PDE4D: variants seen among roughly 807,000 people sequenced by gnomAD.
PDE4D encodes 3',5'-cyclic-AMP phosphodiesterase 4D.
Under a neutral mutation model 87.4 loss-of-function variants are expected in PDE4D, and 24 were observed. The ratio of observed to expected loss-of-function variants is 0.27; its 90% CI spans 0.20 to 0.39. The LOEUF (loss-of-function observed/expected upper bound fraction) is 0.39. Ranked by LOEUF, PDE4D falls within the 10% of genes least tolerant of loss-of-function variation. The pLI is 1.00. For synonymous variants in PDE4D, 384 were observed against 383.2 expected, an observed-to-expected ratio of 1.00 and a Z score of -0.02; for missense variants, 714 against 1,041.0, an observed-to-expected ratio of 0.69 and a Z score of 4.32.
chr5:59,180,425 A>G, intron 5 of PDE4D, 170 bp downstream of exon 5: 1 of 723,662 alleles, frequency 1.4e-6, no homozygotes, highest in Non-Finnish European at 2.5e-6. Flanking sequence ...GTTCCAAATA[A>G]CAGCTTAGAC....
rs1762543978 is a variant in PDE4D, at chr5:59,987,265, G to T, written c.272+1223C>A. The stretch of plus-strand genomic sequence containing the variant: ...ACAGCATTTTTCAAAAAATGTTCAG[G>T]TCAAGCTGTCATATAAAATTCCCAT... On this transcript the variant is annotated intron_variant, in intron 3 of 16. Coordinates refer to the PDE4D transcript ENST00000502484. 2.0e-5 allele frequency: 3 copies of T among 152,152 alleles called. No homozygotes were observed. The South Asian group carries it at 6.2e-4, about 32-fold the overall frequency. The allele number at this position is 152,152 out of a possible 1,614,324, so 9.4% of individuals were successfully genotyped here.
intron 3 of PDE4D, among the ~76,000 whole-genome samples, chr5:59,911,194 G>A (rs182746995): frequency 2.7e-3 from 413 of 152,282 alleles, no homozygotes; most frequent in Non-Finnish European, 5.2e-3. Flanking sequence ...TAGAAATTGC[G>A]ATTTAGGAAT....
chr5:60,460,431 TG>T, intron 1 of PDE4D: 1 of 1,359,982 alleles, frequency 7.4e-7, no homozygotes, highest in Non-Finnish European at 1.0e-6. Context: ...CAGACACTTG[TG>T]GATGCTTGAC....
chr5:59,553,177 C>G (rs1015464657), intron 1 of PDE4D, among the ~76,000 whole-genome samples: 3 of 152,078 alleles, frequency 2.0e-5, no homozygotes, highest in African/African-American at 7.2e-5. Context: ...GATTGTCTCT[C>G]TCCCTTTCCG....
At chr5:59,591,474 T>C (rs912719883) in intron 1 of PDE4D, among the ~76,000 whole-genome samples, 3 of 152,216 alleles carry the variant, frequency 2.0e-5, no homozygotes, top group Admixed American at 6.5e-5. Flanking sequence ...AAAGTAACTT[T>C]AATGTCAAAT....
At chr5:59,954,197 T>C (rs1347069372) in intron 3 of PDE4D, among the ~76,000 whole-genome samples, 1 of 152,240 alleles carries the variant, frequency 6.6e-6, no homozygotes, top group Non-Finnish European at 1.5e-5. Flanking sequence ...ATGCTGGGAT[T>C]ACAGGCATGA....
At chr5:60,321,288 G>C (rs1246717037) in intron 1 of PDE4D, among the ~76,000 whole-genome samples, 1 of 152,154 alleles carries the variant, frequency 6.6e-6, no homozygotes, top group Non-Finnish European at 1.5e-5. Flanking sequence ...ACAAAGACAA[G>C]CAATGGGGAA....
intron 1 of PDE4D, among the ~76,000 whole-genome samples, chr5:59,314,954 C>T (rs1773410745): frequency 6.6e-6 from 1 of 152,150 alleles, no homozygotes; most frequent in South Asian, 2.1e-4. Context: ...CGCCTGTGCA[C>T]TGCGACGATG....
At chr5:59,293,251 G>T (rs1394022721) in intron 1 of PDE4D, among the ~76,000 whole-genome samples, 1 of 152,094 alleles carries the variant, frequency 6.6e-6, no homozygotes, top group Non-Finnish European at 1.5e-5. Flanking sequence ...AATGATTCTA[G>T]TTGTGTTAAA....
intron 1 of PDE4D, among the ~76,000 whole-genome samples, chr5:59,474,598 G>T (rs975988279): frequency 2.6e-5 from 4 of 152,108 alleles, no homozygotes; most frequent in Non-Finnish European, 4.4e-5. Context: ...AGAAGCCTGA[G>T]TTGAGATAAA....
rs139058919 is a variant in PDE4D, at chr5:59,264,500, G to T, written c.456-48532C>A. 2.7e-3 allele frequency among the ~76,000 whole-genome samples: 412 copies of T among 151,942 alleles called. 7 individuals are homozygous for T. The highest frequency in any genetic ancestry group is 8.8e-3 in the African/African-American group (367 of 41,480). On this transcript the variant is annotated intron_variant, in intron 1 of 14. Coordinates refer to ENST00000340635, the MANE Select transcript of PDE4D (RefSeq NM_001104631.2). ...CTGCTAACATCAAATTTGCTTTTTT[G>T]TGTGTGTTTTATATTACCCTAGAAG...
chr5:58,981,901 T>C (rs750060910), intron 11 of PDE4D, among the ~76,000 whole-genome samples: 159 of 152,284 alleles, frequency 1.0e-3, no homozygotes, highest in Non-Finnish European at 2.0e-3. Flanking sequence ...CTTACCTTCA[T>C]TGTGGAGTAG....
At chr5:60,332,612 C>A (rs1392602448) in intron 1 of PDE4D, among the ~76,000 whole-genome samples, 1 of 152,098 alleles carries the variant, frequency 6.6e-6, no homozygotes, top group East Asian at 1.9e-4. Context: ...TCAACAGTAT[C>A]CAAATTCTAA....
At chr5:59,398,387 C>G (rs933056957) in intron 1 of PDE4D, among the ~76,000 whole-genome samples, 1 of 142,522 alleles carries the variant, frequency 7.0e-6, no homozygotes, top group Admixed American at 7.0e-5. Context: ...CCACCATGAT[C>G]AAGTGGGCTT....
Position 59,433,692 on chromosome 5 carries a change from G to C in PDE4D, c.456-217724C>G, listed in dbSNP as rs761558631. On this transcript the variant is annotated intron_variant, in intron 1 of 14. Transcript: ENST00000340635. ...ATGTTTTGTTTGTTTTTGCATACTG[G>C]GATTTCTATGGAAGACAGGTATAGA... is the stretch of plus-strand genomic sequence containing the variant. Among the ~76,000 whole-genome samples the C allele has an allele frequency of 9.4e-4, 143 of 151,990 alleles. 1 individual carries two copies. Among genetic ancestry groups the C allele is most frequent in the Non-Finnish European group, 1.7e-3 (115 of 67,938 alleles).
upstream of PDE4D, among the ~76,000 whole-genome samples, chr5:60,491,907 G>A (rs910535946): frequency 2.0e-5 from 3 of 152,054 alleles, no homozygotes; most frequent in African/African-American, 7.2e-5. Flanking sequence ...TACCTCCTAG[G>A]CTGGTGTGAA....
chr5:59,325,390 A>G (rs1775466685), intron 1 of PDE4D, among the ~76,000 whole-genome samples: 1 of 152,178 alleles, frequency 6.6e-6, no homozygotes, highest in Admixed American at 6.6e-5. Flanking sequence ...AGAAACAGGA[A>G]TTTCAAGAAT....
At chr5:59,416,513 A>T (rs1398383952) in intron 1 of PDE4D, among the ~76,000 whole-genome samples, 1 of 152,216 alleles carries the variant, frequency 6.6e-6, no homozygotes, top group Non-Finnish European at 1.5e-5. Flanking sequence ...TAATAAACTA[A>T]AGGTGGACAA....
At chr5:59,388,428 C>G (rs949725175) in intron 1 of PDE4D, among the ~76,000 whole-genome samples, 1 of 151,958 alleles carries the variant, frequency 6.6e-6, no homozygotes, top group Admixed American at 6.6e-5. Flanking sequence ...AAAACAGCAT[C>G]GAGGTTCTTT....
Sources: gnomAD v4.1 joint callset for allele counts (sites outside exome capture counted in the v4.1 genomes callset) on GRCh38, gnomAD v4.1.1 for gene constraint, MANE v1.5 for transcripts, NCBI Gene and HGNC (gene_info 2026-07-23, HGNC 2026-07-21) for gene names.